GNAQ: variants seen among roughly 807,000 people sequenced by gnomAD.
GNAQ encodes the protein G protein subunit alpha q.
In GNAQ, 8 loss-of-function variants were observed where a neutral mutation model predicts 43.9. The ratio of observed to expected loss-of-function variants is 0.18; its 90% CI spans 0.11 to 0.33. The LOEUF is 0.33. GNAQ is among the 10% of genes least tolerant of loss of function. The pLI is 1.00. For synonymous variants in GNAQ, 155 were observed against 170.7 expected, an observed-to-expected ratio of 0.91 and a Z score of 0.71; for missense variants, 158 against 450.8, an observed-to-expected ratio of 0.35 and a Z score of 5.88.
chr9:77,756,773 T>C (rs955945002), intron 5 of GNAQ, among the ~76,000 whole-genome samples: 1 of 152,246 alleles, frequency 6.6e-6, no homozygotes, highest in African/African-American at 2.4e-5. Context: ...TAGAAGGATA[T>C]GGTAGCCTCA....
chr9:77,900,348 T>A (rs755528925), intron 2 of GNAQ, among the ~76,000 whole-genome samples: 3 of 152,194 alleles, frequency 2.0e-5, no homozygotes, highest in Non-Finnish European at 4.4e-5. Flanking sequence ...AATAGAAGCT[T>A]ATTGCTAAAA....
intron 1 of GNAQ, among the ~76,000 whole-genome samples, chr9:78,006,349 C>T (rs1248365033): frequency 1.3e-5 from 2 of 152,114 alleles, no homozygotes; most frequent in African/African-American, 4.8e-5. Context: ...CCCATAAGAT[C>T]TCAATTCAGT....
At chr9:77,882,622 T>C (rs555976210) in intron 2 of GNAQ, among the ~76,000 whole-genome samples, 3 of 152,208 alleles carry the variant, frequency 2.0e-5, no homozygotes, top group South Asian at 4.2e-4. Flanking sequence ...CCAAATGACA[T>C]GGAATGGTAT....
chr9:77,822,223 T>C (rs561419433), intron 2 of GNAQ, among the ~76,000 whole-genome samples: 5 of 152,292 alleles, frequency 3.3e-5, no homozygotes, highest in East Asian at 1.9e-4. Context: ...GACGAGACTG[T>C]TGGTGAATTA....
chr9:77,879,835 C>A (rs1828182854), intron 2 of GNAQ, among the ~76,000 whole-genome samples: 1 of 152,178 alleles, frequency 6.6e-6, no homozygotes, highest in African/African-American at 2.4e-5. Context: ...CTAACCAGTT[C>A]ACTAAGGTTA....
In GNAQ at chr9:77,717,436, T is replaced by C. The variant is rs959564291; in HGVS notation, c.*3887A>G. ...ACAAAGGGAAATCAAGGGTAATCGG[T>C]AGGTGATTTGAGGGAAATTTCCAAC... On this transcript the variant is annotated 3_prime_UTR_variant, in exon 7 of 7. Coordinates refer to ENST00000286548, the MANE Select transcript of GNAQ (RefSeq NM_002072.5). 2 of 232,490 alleles carry C rather than the reference T, an allele frequency of 8.6e-6. No homozygotes were observed. The highest frequency in any genetic ancestry group is 8.5e-6 in the Non-Finnish European group (1 of 117,618). The allele number at this position is 232,490 out of a possible 1,614,324, so 14.4% of individuals were successfully genotyped here. A position where few individuals can be genotyped will look rare whatever the true frequency, so the allele number is the denominator to read the frequency against.
chr9:77,808,320 G>C lies in GNAQ; in HGVS notation c.476+7296C>G, dbSNP rs1288664824. Among the ~76,000 whole-genome samples, 5 of 151,268 alleles carry C rather than the reference G, an allele frequency of 3.3e-5. No homozygotes were observed. In the East Asian group the frequency reaches 9.7e-4, roughly 29 times the overall value. On this transcript the variant is annotated intron_variant, in intron 3 of 6. Coordinates refer to ENST00000286548, the MANE Select transcript of GNAQ (RefSeq NM_002072.5). ...GGGGAATAATAAAGACCACATCTTA[G>C]AATCATCAGCATTCACCGAGGAAGA... is the stretch of plus-strand genomic sequence containing the variant.
intron 2 of GNAQ, among the ~76,000 whole-genome samples, chr9:77,916,002 G>C (rs1828896706): frequency 6.6e-6 from 1 of 152,162 alleles, no homozygotes; most frequent in Admixed American, 6.5e-5. Context: ...ACAGAATCCA[G>C]GCTGCTCCAA....
intron 1 of GNAQ, among the ~76,000 whole-genome samples, chr9:78,016,075 AC>A (rs1823834683): frequency 6.6e-6 from 1 of 152,150 alleles, no homozygotes; most frequent in South Asian, 2.1e-4. Flanking sequence ...TTATGTTGAA[AC>A]CCCACATCAC....
chr9:77,992,738 A>C (rs1823523684), intron 1 of GNAQ, among the ~76,000 whole-genome samples: 1 of 152,132 alleles, frequency 6.6e-6, no homozygotes, highest in African/African-American at 2.4e-5. Flanking sequence ...TGAGGTCAAG[A>C]GTTTGAGACC....
intron 3 of GNAQ, among the ~76,000 whole-genome samples, chr9:77,801,473 T>C (rs1826741778): frequency 6.6e-6 from 1 of 152,190 alleles, no homozygotes; most frequent in Non-Finnish European, 1.5e-5. Context: ...TGCCCAGGTA[T>C]CAACACAGTT....
intron 1 of GNAQ, among the ~76,000 whole-genome samples, chr9:77,972,732 T>C (rs1054638168): frequency 6.6e-6 from 1 of 151,944 alleles, no homozygotes; most frequent in African/African-American, 2.4e-5. Flanking sequence ...GGCGGGTGGA[T>C]CGATCACCTG....
intron 2 of GNAQ, among the ~76,000 whole-genome samples, chr9:77,871,565 C>G (rs1828038705): frequency 6.6e-6 from 1 of 152,076 alleles, no homozygotes; most frequent in African/African-American, 2.4e-5. Context: ...GTGGGCTTTT[C>G]TGATCCCTTT....
chr9:77,970,819 A>G lies in GNAQ; in HGVS notation c.137-48474T>C, dbSNP rs556940864. Among the ~76,000 whole-genome samples, 242 of 149,402 alleles carry G rather than the reference A, an allele frequency of 1.6e-3. 2 individuals carry two copies. Among genetic ancestry groups the G allele is most frequent in the African/African-American group, 5.1e-3 (206 of 40,718 alleles). Reference sequence around the variant, plus strand: ...AGAACTGAAGGAGATACAGACATAAAAAACCTTTCAAAAAAAATCAATGAA... The same window carrying G: ...AGAACTGAAGGAGATACAGACATAAGAAACCTTTCAAAAAAAATCAATGAA... On this transcript the variant is annotated intron_variant, in intron 1 of 6. Coordinates refer to ENST00000286548, the MANE Select transcript of GNAQ (RefSeq NM_002072.5).
intron 5 of GNAQ, among the ~76,000 whole-genome samples, chr9:77,759,172 C>G (rs1327027685): frequency 6.6e-6 from 1 of 152,122 alleles, no homozygotes; most frequent in African/African-American, 2.4e-5. Flanking sequence ...AATGGCATTC[C>G]AAACCATCCT....
At position 77,870,388 on chromosome 9, in the gene GNAQ, T is replaced by C. The variant is rs1233328415; in HGVS notation, c.321+51773A>G. On this transcript the variant is annotated intron_variant, in intron 2 of 6. Transcript: ENST00000286548. Reference sequence around the variant, plus strand: ...CTCTGTCACCCAGGCTGGAGTGCAGTGGCGCGATCTCAGCTCACTGCAAGC... The same window carrying C: ...CTCTGTCACCCAGGCTGGAGTGCAGCGGCGCGATCTCAGCTCACTGCAAGC... 8.9e-5 allele frequency among the ~76,000 whole-genome samples: 13 copies of C among 146,852 alleles called. No individual in the cohort carries two copies. In the South Asian group the frequency reaches 2.6e-3, roughly 30 times the overall value.
intron 1 of GNAQ, among the ~76,000 whole-genome samples, chr9:77,991,103 T>C (rs1203230948): frequency 6.6e-6 from 1 of 152,246 alleles, no homozygotes; most frequent in East Asian, 1.9e-4. Context: ...CAATAAACCT[T>C]ACTGACAAAA....
chr9:77,870,163 A>G (rs943079124), intron 2 of GNAQ, among the ~76,000 whole-genome samples: 1 of 152,176 alleles, frequency 6.6e-6, no homozygotes, highest in African/African-American at 2.4e-5. Flanking sequence ...GATCTTCTAC[A>G]TTGAGAAGGC....
At chr9:77,860,699 G>C (rs1827835146) in intron 2 of GNAQ, among the ~76,000 whole-genome samples, 1 of 152,126 alleles carries the variant, frequency 6.6e-6, no homozygotes, top group Non-Finnish European at 1.5e-5. Context: ...ACTGGTCCAT[G>C]GCGCGGGATG....
Sources: gnomAD v4.1 joint callset for allele counts (sites outside exome capture counted in the v4.1 genomes callset) on GRCh38, gnomAD v4.1.1 for gene constraint, MANE v1.5 for transcripts, NCBI Gene and HGNC (gene_info 2026-07-23, HGNC 2026-07-21) for gene names.